Variants in PDSS2 observed in about 807,000 individuals in gnomAD.
The protein encoded by PDSS2 is all trans-polyprenyl-diphosphate synthase PDSS2.
Under a neutral mutation model 44.5 loss-of-function variants are expected in PDSS2, and 31 were observed. That is an observed-to-expected ratio of 0.70 (90% confidence interval 0.52 to 0.94). The LOEUF (loss-of-function observed/expected upper bound fraction) is 0.94, where lower values mean the gene tolerates loss of function less well. Ranked by LOEUF, PDSS2 falls within the 40% of genes least tolerant of loss-of-function variation. The pLI is 0.00. For missense variants in PDSS2, 452 were observed against 482.2 expected (o/e 0.94, Z 0.59); for synonymous variants, 157 against 180.3 (o/e 0.87, Z 1.03).
At chr6:107,341,924 T>C (rs974258267) in intron 1 of PDSS2, among the ~76,000 whole-genome samples, 1 of 152,194 alleles carries the variant, frequency 6.6e-6, no homozygotes, top group African/African-American at 2.4e-5. Context: ...AGGTAACTAG[T>C]AATATCCCTT....
chr6:107,334,333 C>T lies in PDSS2; in HGVS notation c.297-1G>A. The T allele has an allele frequency of 6.2e-7, 1 of 1,613,412 alleles. No homozygotes were observed. Among genetic ancestry groups the T allele is most frequent in the Non-Finnish European group, 8.5e-7 (1 of 1,179,600 alleles). On this transcript the variant is annotated splice_acceptor_variant, in intron 1 of 7. Coordinates refer to ENST00000369037, the MANE Select transcript of PDSS2 (RefSeq NM_020381.4). LOFTEE classifies it high-confidence loss of function. ...ATTCCAGCTGTCATGTACAAGCCCC[C>T]TGCCAACAAGCAAAGAAGGAAGAGG...
rs112748520 is a variant in PDSS2 at position 107,324,432 on chromosome 6, C to A, written c.431+9766G>T. 1.9e-3 allele frequency among the ~76,000 whole-genome samples: 287 copies of A among 152,104 alleles called. 5 individuals carry two copies. Among genetic ancestry groups the A allele is most frequent in the African/African-American group, 6.7e-3 (280 of 41,502 alleles). On this transcript the variant is annotated intron_variant, in intron 2 of 7. Coordinates refer to ENST00000369037, the MANE Select transcript of PDSS2 (RefSeq NM_020381.4). ...AAGGTTCTTGTAGTACAAAAAGATACGTTTCTTAAATAGGCTTTTATTGCT... is the reference window on the plus strand; with the variant it reads ...AAGGTTCTTGTAGTACAAAAAGATAAGTTTCTTAAATAGGCTTTTATTGCT...
intron 1 of PDSS2, 146 bp from the exon 2 acceptor site, chr6:107,334,478 T>C: frequency 2.8e-6 from 2 of 716,252 alleles, no homozygotes; most frequent in Non-Finnish European, 4.9e-6. Context: ...GGAAAATTAA[T>C]GTGAGGATGC....
chr6:107,217,034 C>T (rs1364769607), intron 4 of PDSS2, among the ~76,000 whole-genome samples: 1 of 152,110 alleles, frequency 6.6e-6, no homozygotes, highest in Non-Finnish European at 1.5e-5. Flanking sequence ...AAAGTCTGAG[C>T]TGCATTTCGT....
chr6:107,201,390 CAAAAAAAAA>C (rs747612959), intron 6 of PDSS2, among the ~76,000 whole-genome samples: 16 of 52,156 alleles, frequency 3.1e-4, no homozygotes, highest in African/African-American at 1.1e-3. Context: ...CATACAAAAG[CAAAAAAAAA>C]AAAAAAAAAA....
intron 1 of PDSS2, among the ~76,000 whole-genome samples, chr6:107,369,348 G>A (rs1176700389): frequency 6.6e-6 from 1 of 152,122 alleles, no homozygotes; most frequent in Non-Finnish European, 1.5e-5. Flanking sequence ...AACCCAGGAG[G>A]TGGAATTTGC....
intron 1 of PDSS2, among the ~76,000 whole-genome samples, chr6:107,375,858 CAGA>C (rs1779269238): frequency 6.6e-6 from 1 of 152,220 alleles, no homozygotes; most frequent in East Asian, 1.9e-4. Flanking sequence ...ATACTAAGAA[CAGA>C]AGGTTGGTTT....
chr6:107,290,540 C>T (rs758167495), intron 2 of PDSS2, among the ~76,000 whole-genome samples: 21 of 152,190 alleles, frequency 1.4e-4, no homozygotes, highest in Non-Finnish European at 3.1e-4. Context: ...CCCCGCCTCT[C>T]TGACTTCATT....
At chr6:107,395,866 AT>A (rs1471531918) in intron 1 of PDSS2, among the ~76,000 whole-genome samples, 1 of 152,140 alleles carries the variant, frequency 6.6e-6, no homozygotes, top group African/African-American at 2.4e-5. Context: ...ATTCTGCTAT[AT>A]TTGTTTAAAG....
chr6:107,184,478 GAAGA>G (rs1772095849), intron 7 of PDSS2, among the ~76,000 whole-genome samples: 2 of 152,210 alleles, frequency 1.3e-5, no homozygotes, highest in Non-Finnish European at 2.9e-5. Flanking sequence ...CATGACATGA[GAAGA>G]AAGACTTTTT....
chr6:107,333,240 T>C (rs909847306), intron 2 of PDSS2, among the ~76,000 whole-genome samples: 1 of 151,984 alleles, frequency 6.6e-6, no homozygotes, highest in African/African-American at 2.4e-5. Flanking sequence ...AGTCTACCTG[T>C]TGATTGTTAC....
At chr6:107,314,176 G>A (rs765228207) in intron 2 of PDSS2, among the ~76,000 whole-genome samples, 19 of 151,908 alleles carry the variant, frequency 1.3e-4, no homozygotes, top group Non-Finnish European at 2.8e-4. Context: ...TATGTAGAAC[G>A]AGCTTTTTCA....
intron 1 of PDSS2, among the ~76,000 whole-genome samples, chr6:107,414,029 T>C (rs934144419): frequency 6.6e-6 from 1 of 152,182 alleles, no homozygotes; most frequent in Admixed American, 6.5e-5. Context: ...AAGTATTTTT[T>C]AAGAAAAAAG....
At chr6:107,436,551 A>G (rs1318003842) in intron 1 of PDSS2, among the ~76,000 whole-genome samples, 1 of 152,196 alleles carries the variant, frequency 6.6e-6, no homozygotes, top group African/African-American at 2.4e-5. Flanking sequence ...ATATGTACAC[A>G]TGTAAAAGTG....
rs60133518 is a variant in PDSS2, at chr6:107,437,525, CAA to C, written c.296+21463_296+21464del. Among the ~76,000 whole-genome samples the C allele has an allele frequency of 6.2e-3, 780 of 126,618 alleles. 5 individuals carry two copies. Among genetic ancestry groups the C allele is most frequent in the African/African-American group, 0.02 (631 of 31,260 alleles). The allele number at this position is 126,618 out of a possible 152,430, so 83.1% of individuals were successfully genotyped here. A position where few individuals can be genotyped will look rare whatever the true frequency, so the allele number is the denominator to read the frequency against. ...AGGAGACAGAGTGAGACCCTGTCTC[CAA>C]AAAAAAAAAAAAAAAAAAAAAAAAT... On this transcript the variant is annotated intron_variant, in intron 1 of 7. Coordinates refer to ENST00000369037, the MANE Select transcript of PDSS2 (RefSeq NM_020381.4).
At chr6:107,426,298 C>T (rs319103) in intron 1 of PDSS2, among the ~76,000 whole-genome samples, 109,958 of 152,154 alleles carry the variant, frequency 0.72, 40,190 homozygotes, top group Middle Eastern at 0.79. Context: ...AGCTTCCACA[C>T]GGTGTTGAGC....
chr6:107,289,571 C>G lies in PDSS2; in HGVS notation c.432-15344G>C, dbSNP rs367569113. 1.7e-3 allele frequency among the ~76,000 whole-genome samples: 255 copies of G among 151,368 alleles called. 5 individuals are homozygous for G. In the South Asian group the frequency reaches 0.051, roughly 30 times the overall value. On this transcript the variant is annotated intron_variant, in intron 2 of 7. Transcript: ENST00000369037. ...AAATTAGCTGGACGTGGTGGTGTGC[C>G]CTTGTCCTAGCTACTCAGGAGGCTT... is the stretch of plus-strand genomic sequence containing the variant.
chr6:107,329,884 C>T (rs1378827272), intron 2 of PDSS2, among the ~76,000 whole-genome samples: 1 of 151,722 alleles, frequency 6.6e-6, no homozygotes, highest in African/African-American at 2.4e-5. Flanking sequence ...GCCTGTAATC[C>T]CAGCTACTTG....
intron 3 of PDSS2, among the ~76,000 whole-genome samples, chr6:107,250,831 T>G (rs1380812159): frequency 3.9e-5 from 6 of 152,006 alleles, no homozygotes; most frequent in Non-Finnish European, 7.4e-5. Context: ...AGCAAAGGAG[T>G]GCCTATCCTA....
Sources: gnomAD v4.1 joint callset for allele counts (sites outside exome capture counted in the v4.1 genomes callset) on GRCh38, gnomAD v4.1.1 for gene constraint, MANE v1.5 for transcripts, NCBI Gene and HGNC (gene_info 2026-07-23, HGNC 2026-07-21) for gene names.